The following TMCC1 variants were observed in gnomAD, a reference collection of about 807,000 sequenced individuals.
The protein encoded by TMCC1 is transmembrane and coiled-coil domain family 1.
Under a neutral mutation model 52.4 loss-of-function variants are expected in TMCC1, and 15 were observed. That is an observed-to-expected ratio of 0.29 (90% confidence interval 0.19 to 0.44). The LOEUF is 0.44. Among genes scored for constraint, TMCC1 ranks in the 20% least tolerant of loss-of-function variants. The pLI is 1.00. For missense variants in TMCC1, 503 were observed against 806.0 expected (o/e 0.62, Z 4.55); for synonymous variants, 279 against 301.9 (o/e 0.92, Z 0.79).
intron 4 of TMCC1, among the ~76,000 whole-genome samples, chr3:129,696,469 A>C (rs2047423471): frequency 6.6e-6 from 1 of 152,242 alleles, no homozygotes; most frequent in South Asian, 2.1e-4. Flanking sequence ...ACATGTTCTC[A>C]AAACCTCCTG....
chr3:129,707,551 T>C (rs2048337857), intron 4 of TMCC1, among the ~76,000 whole-genome samples: 1 of 152,216 alleles, frequency 6.6e-6, no homozygotes, highest in Non-Finnish European at 1.5e-5. Flanking sequence ...ACTTGGGAAA[T>C]AAACATTGTC....
intron 4 of TMCC1, among the ~76,000 whole-genome samples, chr3:129,724,957 T>A (rs1224077707): frequency 6.6e-6 from 1 of 152,160 alleles, no homozygotes; most frequent in Non-Finnish European, 1.5e-5. Flanking sequence ...AATAAAAACT[T>A]TTCAAGATAC....
intron 4 of TMCC1, among the ~76,000 whole-genome samples, chr3:129,817,871 G>A (rs2058181863): frequency 6.6e-6 from 1 of 152,032 alleles, no homozygotes; most frequent in African/African-American, 2.4e-5. Context: ...AGAGTGCAAT[G>A]GCGCGATCTC....
At chr3:129,862,450 G>A (rs2060437815) in intron 2 of TMCC1, among the ~76,000 whole-genome samples, 1 of 152,144 alleles carries the variant, frequency 6.6e-6, no homozygotes, top group Non-Finnish European at 1.5e-5. Flanking sequence ...TGTACTATCT[G>A]TAATATTCCT....
At chr3:129,883,005 T>C (rs951945112) in intron 1 of TMCC1, among the ~76,000 whole-genome samples, 1 of 152,118 alleles carries the variant, frequency 6.6e-6, no homozygotes, top group African/African-American at 2.4e-5. Flanking sequence ...ATGGTTAAAA[T>C]CAGCCAGGCG....
chr3:129,831,691 T>C (rs1035130644), intron 3 of TMCC1, among the ~76,000 whole-genome samples: 1 of 152,196 alleles, frequency 6.6e-6, no homozygotes, highest in South Asian at 2.1e-4. Context: ...AATAGTGATG[T>C]TGCAATAATT....
rs565317344 is a variant in TMCC1, at chr3:129,862,878, C to A, written c.-184+17431G>T. ...TATCAATGTAAATCTAGTCCCTCTG[C>A]ACCTTGGATTAGGATTTTATTAGGA... is the stretch of plus-strand genomic sequence containing the variant. On this transcript the variant is annotated intron_variant, in intron 2 of 6. Transcript: ENST00000393238. 8.4e-4 allele frequency among the ~76,000 whole-genome samples: 128 copies of A among 152,308 alleles called. 1 individual carries two copies. The highest frequency in any genetic ancestry group is 3.4e-3 in the Middle Eastern group (1 of 294).
At chr3:129,684,098 C>A (rs2089222897) in intron 4 of TMCC1, among the ~76,000 whole-genome samples, 1 of 152,168 alleles carries the variant, frequency 6.6e-6, no homozygotes, top group Non-Finnish European at 1.5e-5. Context: ...ATATCTATGA[C>A]AAATTGTAAA....
At chr3:129,817,941 T>A (rs2058185757) in intron 4 of TMCC1, among the ~76,000 whole-genome samples, 1 of 152,142 alleles carries the variant, frequency 6.6e-6, no homozygotes, top group Non-Finnish European at 1.5e-5. Flanking sequence ...GCCACTGGAC[T>A]AGCTGGGACC....
chr3:129,696,205 C>T (rs766869047), intron 4 of TMCC1, among the ~76,000 whole-genome samples: 2 of 152,198 alleles, frequency 1.3e-5, no homozygotes, highest in Non-Finnish European at 2.9e-5. Flanking sequence ...TACTATGAGA[C>T]TTCAAAAGAA....
intron 5 of TMCC1, among the ~76,000 whole-genome samples, chr3:129,655,350 G>T (rs752075229): frequency 6.6e-6 from 1 of 152,160 alleles, no homozygotes; most frequent in African/African-American, 2.4e-5. Context: ...TATTTGCAGC[G>T]ATGCCAGCAG....
intron 4 of TMCC1, among the ~76,000 whole-genome samples, chr3:129,760,982 G>A (rs1239495350): frequency 6.6e-6 from 1 of 151,946 alleles, no homozygotes; most frequent in Non-Finnish European, 1.5e-5. Context: ...GGGTTTTGAT[G>A]CATGCACACG....
At chr3:129,878,546 C>G (rs1341320379) in intron 2 of TMCC1, among the ~76,000 whole-genome samples, 2 of 152,218 alleles carry the variant, frequency 1.3e-5, no homozygotes, top group South Asian at 2.1e-4. Flanking sequence ...CACATTTTCT[C>G]TCACCTTGAT....
At chr3:129,711,797 T>A (rs1487387804) in intron 4 of TMCC1, among the ~76,000 whole-genome samples, 2 of 140,628 alleles carry the variant, frequency 1.4e-5, no homozygotes, top group Non-Finnish European at 3.0e-5. Flanking sequence ...GAGACCAGCC[T>A]GACCAACATG....
intron 4 of TMCC1, among the ~76,000 whole-genome samples, chr3:129,715,043 GA>G (rs1447787257): frequency 9.9e-4 from 151 of 152,222 alleles, no homozygotes; most frequent in African/African-American, 3.4e-3. Flanking sequence ...CCCAGTAGAG[GA>G]CTCCCTGTAT....
At chr3:129,813,998 G>A (rs1023275659) in intron 4 of TMCC1, among the ~76,000 whole-genome samples, 1 of 113,424 alleles carries the variant, frequency 8.8e-6, no homozygotes. Context: ...TTTTTTTTTT[G>A]TATAATAAAG....
At chr3:129,720,867 A>AT (rs1023271095) in intron 4 of TMCC1, among the ~76,000 whole-genome samples, 1 of 151,332 alleles carries the variant, frequency 6.6e-6, no homozygotes, top group African/African-American at 2.4e-5. Flanking sequence ...GCTAATTTTT[A>AT]TTTTTTTTAA....
At chr3:129,844,638 C>G (rs78830852) in intron 2 of TMCC1, among the ~76,000 whole-genome samples, 1 of 152,194 alleles carries the variant, frequency 6.6e-6, no homozygotes, top group Admixed American at 6.5e-5. Context: ...AAGAAAGGTG[C>G]TAGGTCATTC....
chr3:129,738,782 A>G (rs1276037811), intron 4 of TMCC1, among the ~76,000 whole-genome samples: 1 of 152,222 alleles, frequency 6.6e-6, no homozygotes, highest in Non-Finnish European at 1.5e-5. Context: ...AAATTTACAC[A>G]TGGACTTTTA....
Sources: allele counts gnomAD v4.1 joint callset (sites outside exome capture counted in the v4.1 genomes callset), GRCh38; gene constraint gnomAD v4.1.1; transcripts MANE v1.5; gene names NCBI Gene and HGNC (gene_info 2026-07-23, HGNC 2026-07-21).